The following NFASC variants were observed in gnomAD, a reference collection of about 807,000 sequenced individuals.
The protein encoded by NFASC is neurofascin homolog.
NFASC carries 43 observed loss-of-function variants against 147.5 expected under a neutral mutation model. The ratio of observed to expected loss-of-function variants is 0.29; its 90% confidence interval spans 0.23 to 0.38. The LOEUF (loss-of-function observed/expected upper bound fraction) is 0.38, where lower values mean the gene tolerates loss of function less well. Among genes scored for constraint, NFASC ranks in the 10% least tolerant of loss-of-function variants. The pLI is 1.00. For synonymous variants in NFASC, 622 were observed against 665.5 expected (o/e 0.93, Z 1.01); for missense variants, 1,320 against 1,689.0 (o/e 0.78, Z 3.83).
intron 2 of NFASC, among the ~76,000 whole-genome samples, chr1:204,927,362 C>T (rs372987202): frequency 1.3e-5 from 2 of 152,156 alleles, no homozygotes; most frequent in South Asian, 2.1e-4. Context: ...TTTTCCTTAG[C>T]AAGATGTTTT....
At chr1:204,870,582 G>T (rs370358540) in intron 1 of NFASC, 1 of 806,464 alleles carries the variant, frequency 1.2e-6, no homozygotes, top group Non-Finnish European at 1.5e-6. Flanking sequence ...GGCCTGGTAC[G>T]TCTCTCTGTC....
chr1:205,003,881 C>G (rs2096054252), intron 27 of NFASC, among the ~76,000 whole-genome samples: 1 of 152,216 alleles, frequency 6.6e-6, no homozygotes, highest in Non-Finnish European at 1.5e-5. Context: ...TCCTGTCTTC[C>G]TCCGTGTCTC....
chr1:204,994,781 C>G (rs760192987), intron 24 of NFASC, among the ~76,000 whole-genome samples: 6 of 152,050 alleles, frequency 3.9e-5, no homozygotes, highest in Non-Finnish European at 8.8e-5. Flanking sequence ...TTTAGATAGT[C>G]ATGAGAAGGG....
intron 23 of NFASC, among the ~76,000 whole-genome samples, chr1:204,991,091 A>G (rs936080997): frequency 5.3e-5 from 8 of 152,238 alleles, no homozygotes; most frequent in Non-Finnish European, 1.0e-4. Context: ...TGCCTGACTC[A>G]GGTGGAGTTG....
At chr1:205,013,195 C>T (rs1447533366) in intron 29 of NFASC, among the ~76,000 whole-genome samples, 1 of 152,198 alleles carries the variant, frequency 6.6e-6, no homozygotes, top group Non-Finnish European at 1.5e-5. Flanking sequence ...TGTCTTTCCA[C>T]CTTTTCACTC....
intron 1 of NFASC, among the ~76,000 whole-genome samples, chr1:204,885,408 C>CA (rs1227985491): frequency 6.6e-6 from 1 of 152,096 alleles, no homozygotes; most frequent in Non-Finnish European, 1.5e-5. Flanking sequence ...AAGCATGGTA[C>CA]ACTGGGCACC....
chr1:204,877,011 TA>T (rs1470226102), intron 1 of NFASC, among the ~76,000 whole-genome samples: 1 of 110,824 alleles, frequency 9.0e-6, no homozygotes, highest in East Asian at 5.7e-4. Context: ...TATATATATA[TA>T]TATATATATA....
In NFASC at chr1:205,015,188, G is replaced by A. The variant is rs112452752; in HGVS notation, c.3492-1120G>A. ...CAACTCAGCTGGTTGTCTTCCCCAC[G>A]TCCAGGAAGGACTGGGGGTGGGTGG... On this transcript the variant is annotated intron_variant, in intron 29 of 29. Transcript: ENST00000339876. This position sits in a 1 kb window ranked among gnomAD's most constrained non-coding sequence, Gnocchi z 4.0. 2.7e-4 allele frequency among the ~76,000 whole-genome samples: 41 copies of A among 152,306 alleles called. 1 individual carries two copies. The highest frequency in any genetic ancestry group is 4.6e-4 in the African/African-American group (19 of 41,578).
chr1:205,020,243 A>G lies in NFASC; in HGVS notation c.*3704A>G, dbSNP rs560285924. On this transcript the variant is annotated 3_prime_UTR_variant, in exon 30 of 30. Coordinates refer to ENST00000339876, the MANE Select transcript of NFASC (RefSeq NM_001005388.3). ...TAGCGCATTCATAGTTTCCCTGACC[A>G]CAGCCTTGGGAAGACGGTGGAAACC... 1 of 152,400 alleles carries G rather than the reference A, an allele frequency of 6.6e-6. No individual in the cohort carries two copies. The highest frequency in any genetic ancestry group is 1.9e-4 in the East Asian group (1 of 5,172). 9.4% of individuals were successfully genotyped at this position (152,400 alleles called of 1,614,324 possible). A position where few individuals can be genotyped will look rare whatever the true frequency, so the allele number is the denominator to read the frequency against.
At chr1:204,913,406 T>C (rs1215287668) in intron 1 of NFASC, among the ~76,000 whole-genome samples, 1 of 152,204 alleles carries the variant, frequency 6.6e-6, no homozygotes, top group African/African-American at 2.4e-5. Flanking sequence ...TTAAAGACTA[T>C]AAACTCGATT....
At chr1:204,847,101 G>T (rs1358521507) in intron 1 of NFASC, among the ~76,000 whole-genome samples, 1 of 152,012 alleles carries the variant, frequency 6.6e-6, no homozygotes, top group African/African-American at 2.4e-5. Flanking sequence ...ATTGACCTTG[G>T]TTATTTGCCT....
At chr1:204,835,571 C>T (rs1187753805) in intron 1 of NFASC, among the ~76,000 whole-genome samples, 1 of 152,080 alleles carries the variant, frequency 6.6e-6, no homozygotes, top group South Asian at 2.1e-4. Flanking sequence ...TTCTCCAGGA[C>T]TACTGGAGAA....
chr1:204,982,113 G>T, intron 21 of NFASC, 93 bp downstream of exon 21: 1 of 791,198 alleles, frequency 1.3e-6, no homozygotes, highest in Non-Finnish European at 1.9e-6. Context: ...GGGTGGGTAT[G>T]GGAGGACAGC....
chr1:204,843,625 TTCC>T (rs1558486059), intron 1 of NFASC, among the ~76,000 whole-genome samples: 38 of 76,666 alleles, frequency 5.0e-4, no homozygotes, highest in African/African-American at 1.8e-3. Flanking sequence ...CCTTCCTTCC[TTCC>T]TCCCTCCCTC....
Position 204,937,787 on chromosome 1 carries a change from G to T in NFASC, c.-90-6439G>T, listed in dbSNP as rs184643109. Among the ~76,000 whole-genome samples the T allele has an allele frequency of 4.6e-4, 70 of 152,326 alleles. 1 individual carries two copies. Among genetic ancestry groups the T allele is most frequent in the African/African-American group, 1.5e-3 (61 of 41,576 alleles). On this transcript the variant is annotated intron_variant, in intron 2 of 29. Transcript: ENST00000339876. ...GCAGGTCGGTTGTGTTTTCTCCGTT[G>T]CACTTATTGCTACTGGATTTTTGGT...
At chr1:204,890,650 A>AC (rs1281370864) in intron 1 of NFASC, among the ~76,000 whole-genome samples, 2 of 151,290 alleles carry the variant, frequency 1.3e-5, no homozygotes, top group African/African-American at 4.9e-5. Context: ...GCTCACTGCA[A>AC]CCTCTGCCTC....
At chr1:204,952,427 A>C (rs1165221198) in intron 5 of NFASC, among the ~76,000 whole-genome samples, 2 of 151,302 alleles carry the variant, frequency 1.3e-5, no homozygotes, top group African/African-American at 4.9e-5. Context: ...AGCTTATAGG[A>C]AGTTCCTTTT....
At chr1:204,912,321 T>A (rs1184697991) in intron 1 of NFASC, among the ~76,000 whole-genome samples, 1 of 152,122 alleles carries the variant, frequency 6.6e-6, no homozygotes, top group Non-Finnish European at 1.5e-5. Flanking sequence ...GATTTTGATA[T>A]GTTGTATTTT....
chr1:204,877,059 T>TA (rs1491182574), intron 1 of NFASC, among the ~76,000 whole-genome samples: 3 of 98,072 alleles, frequency 3.1e-5, no homozygotes, highest in East Asian at 6.9e-4. Context: ...AATATATTTA[T>TA]TTATATATTT....
Sources: allele counts gnomAD v4.1 joint callset (sites outside exome capture counted in the v4.1 genomes callset), GRCh38; gene constraint gnomAD v4.1.1; non-coding constraint Gnocchi (gnomAD v3.1); transcripts MANE v1.5; gene names NCBI Gene and HGNC (gene_info 2026-07-23, HGNC 2026-07-21).